Variants in ZNF845 observed in about 807,000 individuals in gnomAD.
ZNF845 encodes the protein zinc finger protein 845.
A neutral mutation model predicts 76.1 loss-of-function variants in ZNF845; 59 were observed. The observed-to-expected ratio is 0.78, with a 90% CI of 0.63 to 0.96. ZNF845 has a LOEUF of 0.96. Among genes scored for constraint, ZNF845 ranks in the 40% least tolerant of loss-of-function variants. The probability of loss-of-function intolerance (pLI) is 0.00; values close to 1 mark genes in which losing one functional copy is unlikely to be tolerated. For missense variants in ZNF845, 1,045 were observed against 1,172.8 expected, an observed-to-expected ratio of 0.89 and a Z score of 1.59; for synonymous variants, 361 against 386.9, an observed-to-expected ratio of 0.93 and a Z score of 0.78.
Position 53,352,744 on chromosome 19 carries a change from C to A in ZNF845, c.2069C>A (p.Pro690His), listed in dbSNP as rs1260344637. ...CHRRLHTGEK[P>H]YKCNECGKTF... is the part of the protein sequence containing the mutation. ...CGTAGACTTCATACTGGAGAGAAAC[C>A]TTACAAGTGTAATGAGTGTGGCAAG... Residue 690 changes from proline to histidine, a missense_variant, in exon 4 of 4, where the codon CCT (proline) becomes CAT (histidine). Physicochemically the swap from Pro to His is moderately conservative, Grantham distance 77. Coordinates refer to ENST00000458035, the MANE Select transcript of ZNF845 (RefSeq NM_138374.3). The A allele has an allele frequency of 1.2e-6, 2 of 1,614,066 alleles. No individual in the cohort carries two copies. The highest frequency in any genetic ancestry group is 1.7e-6 in the Non-Finnish European group (2 of 1,180,016).
chr19:53,351,632 A>T lies in ZNF845; in HGVS notation c.957A>T (p.Ala319=). 6.2e-7 allele frequency: 1 copy of T among 1,614,098 alleles called. No homozygotes were observed. The highest frequency in any genetic ancestry group is 1.1e-5 in the South Asian group (1 of 91,070). ...ATTCAGCCCTTGTAATTCATAAGGC[A>T]ATTCATACTGGAGAGAAATCTTACA... ...SRNSALVIHK[A]IHTGEKSYKC... Residue 319 remains alanine (A), a synonymous_variant, in exon 4 of 4, where the codon GCA becomes GCT. Coordinates refer to ENST00000458035, the MANE Select transcript of ZNF845 (RefSeq NM_138374.3).
In ZNF845 at chr19:53,352,516, A is replaced by G. The variant is rs556108155; in HGVS notation, c.1841A>G (p.Lys614Arg). Residue 614 changes from lysine (K) to arginine (R), a missense_variant, in exon 4 of 4, where the codon AAA (lysine) becomes AGA (arginine). Transcript: ENST00000458035. ...TCGTACAAGTGTAATAGATGTGGCA[A>G]ATTTTTCAGACATCGTTCATACCTT... ...ERSYKCNRCG[K>R]FFRHRSYLAV... 1.9e-6 allele frequency: 3 copies of G among 1,608,360 alleles called. No individual in the cohort carries two copies. The highest frequency in any genetic ancestry group is 2.2e-5 in the East Asian group (1 of 44,570).
At chr19:53,344,625 T>TTATGTTATGTTATGTTATGTTATGTTCTG (rs57130942) in intron 2 of ZNF845, among the ~76,000 whole-genome samples, 1 of 144,912 alleles carries the variant, frequency 6.9e-6, no homozygotes, top group Admixed American at 7.2e-5. Context: ...TTTATTTTAT[T>TTATGTTATGTTATGTTATGTTATGTTCTG]TTATTTTATT....
chr19:53,354,463 G>C lies in ZNF845; in HGVS notation c.*875G>C. The stretch of plus-strand genomic sequence containing the variant: ...AGACCAATAGATCACTTGAGGTCAG[G>C]AGTTTGAGACCAGACTGGCCAACAG... On this transcript the variant is annotated 3_prime_UTR_variant, in exon 4 of 4. Coordinates refer to ENST00000458035, the MANE Select transcript of ZNF845 (RefSeq NM_138374.3). The C allele has an allele frequency of 5.5e-6, 1 of 183,292 alleles. No homozygotes were observed. Among genetic ancestry groups the C allele is most frequent in the Non-Finnish European group, 1.2e-5 (1 of 85,964 alleles). The allele number at this position is 183,292 out of a possible 1,614,324, so 11.4% of individuals were successfully genotyped here.
chr19:53,350,793 A>G (rs373687967), intron 3 of ZNF845, 25 bp from the exon 4 acceptor site: 14 of 1,603,976 alleles, frequency 8.7e-6, no homozygotes, highest in African/African-American at 1.3e-5. Context: ...TTAAGTGGAA[A>G]CCTATTGGTG....
rs747438034 is a variant in ZNF845 at position 53,352,440 on chromosome 19, A to G, written c.1765A>G (p.Ser589Gly). 11 of 1,613,746 alleles carry G rather than the reference A, an allele frequency of 6.8e-6. No individual in the cohort carries two copies. In the African/African-American group the frequency reaches 1.1e-4, roughly 16 times the overall value. ...YKCNDCHQVF[S>G]NATTIANHWR... The stretch of plus-strand genomic sequence containing the variant: ...ATGTAATGATTGTCACCAAGTCTTT[A>G]GTAATGCTACAACCATTGCAAATCA... Residue 589 changes from serine to glycine, a missense_variant, in exon 4 of 4, where the codon AGT becomes GGT. Ser to Gly is a moderately conservative substitution (Grantham distance 56, BLOSUM62 0). Coordinates refer to ENST00000458035, the MANE Select transcript of ZNF845 (RefSeq NM_138374.3).
chr19:53,337,996 C>T (rs2085228079), intron 1 of ZNF845, among the ~76,000 whole-genome samples: 1 of 152,124 alleles, frequency 6.6e-6, no homozygotes, highest in African/African-American at 2.4e-5. Flanking sequence ...CCACAGTGCC[C>T]GCCCAGAGAT....
intron 2 of ZNF845, 135 bp downstream of exon 2, chr19:53,341,457 G>A (rs540859631): frequency 1.3e-5 from 17 of 1,349,036 alleles, no homozygotes; most frequent in Non-Finnish European, 1.7e-5. Flanking sequence ...CCTTCCCTCA[G>A]TCCCTCTCAT....
intron 3 of ZNF845, among the ~76,000 whole-genome samples, chr19:53,347,565 T>A (rs1457380622): frequency 6.6e-6 from 1 of 152,156 alleles, no homozygotes; most frequent in Non-Finnish European, 1.5e-5. Flanking sequence ...AGTGCTGAGA[T>A]TACAGGCATG....
chr19:53,341,412 A>G (rs2147033966), intron 2 of ZNF845, 90 bp downstream of exon 2: 1 of 1,574,220 alleles, frequency 6.4e-7, no homozygotes, highest in Admixed American at 1.7e-5. Context: ...AGTCTGAAGC[A>G]TCCTGCCTGA....
chr19:53,339,643 G>T (rs1475280199), intron 1 of ZNF845, among the ~76,000 whole-genome samples: 1 of 152,212 alleles, frequency 6.6e-6, no homozygotes, highest in Non-Finnish European at 1.5e-5. Flanking sequence ...TCTTCATTGA[G>T]AGTCTGGGCA....
intron 2 of ZNF845, among the ~76,000 whole-genome samples, chr19:53,344,584 A>C (rs900963049): frequency 8.1e-6 from 1 of 123,348 alleles, no homozygotes; most frequent in Non-Finnish European, 1.8e-5. Flanking sequence ...AGAACCCTAC[A>C]TTGATTTTTA....
rs1433947770 is a variant in ZNF845 at position 53,355,527 on chromosome 19, C to G, written c.*1939C>G. On this transcript the variant is annotated 3_prime_UTR_variant, in exon 4 of 4. Transcript: ENST00000458035. The stretch of plus-strand genomic sequence containing the variant: ...TGAAAGAATATGTTAGATCGCCTAA[C>G]CTCATTATCCGCCCACTTCGGACTT... The G allele has an allele frequency of 1.3e-5, 2 of 152,000 alleles. No homozygotes were observed. The highest frequency in any genetic ancestry group is 2.9e-5 in the Non-Finnish European group (2 of 68,010). The allele number at this position is 152,000 out of a possible 1,614,324, so 9.4% of individuals were successfully genotyped here.
chr19:53,341,393 T>G, intron 2 of ZNF845, 71 bp downstream of exon 2: 1 of 1,603,918 alleles, frequency 6.2e-7, no homozygotes, highest in Non-Finnish European at 8.5e-7. Context: ...GAGTTGGGAA[T>G]CTTCTCTGAG....
Position 53,354,061 on chromosome 19 carries a change from G to A in ZNF845, c.*473G>A, listed in dbSNP as rs2085366564. On this transcript the variant is annotated 3_prime_UTR_variant, in exon 4 of 4. Coordinates refer to ENST00000458035, the MANE Select transcript of ZNF845 (RefSeq NM_138374.3). ...TAGCTTCATCTTATGCAAAACAGGA[G>A]ACTTCATACAGGAGACAAACTTCAC... is the stretch of plus-strand genomic sequence containing the variant. The A allele has an allele frequency of 4.1e-6, 2 of 483,104 alleles. No homozygotes were observed. Among genetic ancestry groups the A allele is most frequent in the African/African-American group, 4.0e-5 (2 of 49,914 alleles). 29.9% of individuals were successfully genotyped at this position (483,104 alleles called of 1,614,324 possible). A position where few individuals can be genotyped will look rare whatever the true frequency, so the allele number is the denominator to read the frequency against.
chr19:53,352,664 C>G lies in ZNF845; in HGVS notation c.1989C>G (p.Tyr663Ter). Residue 663 changes from tyrosine to a stop codon, truncating the protein, a stop_gained, in exon 4 of 4, where the codon TAC becomes TAG. Transcript: ENST00000458035. LOFTEE classifies it high-confidence loss of function. ...GAATTCATACTGGAGAGAAACCTTA[C>G]AGGTGTAATGAATGTGGCAAGACCT... ...HRRIHTGEKP[Y>*]RCNECGKTFS... 1.2e-6 allele frequency: 2 copies of G among 1,613,928 alleles called. No individual in the cohort carries two copies. Among genetic ancestry groups the G allele is most frequent in the Non-Finnish European group, 1.7e-6 (2 of 1,179,900 alleles).
chr19:53,352,405 A>G lies in ZNF845; in HGVS notation c.1730A>G (p.Lys577Arg). 6.2e-7 allele frequency: 1 copy of G among 1,613,934 alleles called. No individual in the cohort carries two copies. Among genetic ancestry groups the G allele is most frequent in the South Asian group, 1.1e-5 (1 of 91,066 alleles). Reference sequence around the variant, plus strand: ...CATCAAGCAATCCATGGTATAGGGAAACTTTACAAATGTAATGATTGTCAC... The same window carrying G: ...CATCAAGCAATCCATGGTATAGGGAGACTTTACAAATGTAATGATTGTCAC... ...IYHQAIHGIGKLYKCNDCHQV... is the reference protein window; with the variant it reads ...IYHQAIHGIGRLYKCNDCHQV... Residue 577 changes from lysine to arginine, a missense_variant, in exon 4 of 4, where the codon AAA becomes AGA. By Grantham distance (26) the Lys-to-Arg change is conservative. Coordinates refer to ENST00000458035, the MANE Select transcript of ZNF845 (RefSeq NM_138374.3).
rs2147039147 is a variant in ZNF845 at position 53,345,600 on chromosome 19, T to G, written c.110T>G (p.Met37Arg). ...PAQRTLYRDV[M>R]LENYRNLVSL... ...CAGAGGACTCTATACAGGGACGTGA[T>G]GCTGGAGAATTATAGGAACCTGGTC... Residue 37 changes from methionine (M) to arginine (R), a missense_variant, in exon 3 of 4, where the codon ATG becomes AGG. By Grantham distance (91) the Met-to-Arg change is moderately conservative. Coordinates refer to ENST00000458035, the MANE Select transcript of ZNF845 (RefSeq NM_138374.3). 1 of 1,613,922 alleles carries G rather than the reference T, an allele frequency of 6.2e-7. No homozygotes were observed. Among genetic ancestry groups the G allele is most frequent in the South Asian group, 1.1e-5 (1 of 91,074 alleles).
intron 3 of ZNF845, 35 bp from the exon 4 acceptor site, chr19:53,350,783 T>C (rs1427211853): frequency 1.3e-6 from 2 of 1,597,998 alleles, no homozygotes; most frequent in Non-Finnish European, 8.5e-7. Context: ...CCATCTATAC[T>C]TAAGTGGAAA....
Sources: allele counts gnomAD v4.1 joint callset (sites outside exome capture counted in the v4.1 genomes callset), GRCh38; gene constraint gnomAD v4.1.1; transcripts MANE v1.5; gene names NCBI Gene and HGNC (gene_info 2026-07-23, HGNC 2026-07-21).